The following CEP57 variants were observed in gnomAD, a reference collection of about 807,000 sequenced individuals.
CEP57 encodes the protein centrosomal protein of 57 kDa.
CEP57 carries 40 observed loss-of-function variants against 68.0 expected under a neutral mutation model. That is an observed-to-expected ratio of 0.59 (90% CI 0.46 to 0.77). The LOEUF is 0.77. Among genes scored for constraint, CEP57 ranks in the 30% least tolerant of loss-of-function variants. CEP57 has a pLI of 0.00. For missense variants in CEP57, 606 were observed against 580.7 expected, an observed-to-expected ratio of 1.04 and a Z score of -0.45; for synonymous variants, 219 against 198.7, an observed-to-expected ratio of 1.10 and a Z score of -0.86.
chr11:95,800,390 T>C (rs1861523587), intron 2 of CEP57, among the ~76,000 whole-genome samples: 2 of 151,960 alleles, frequency 1.3e-5, no homozygotes, highest in Non-Finnish European at 2.9e-5. Context: ...TTTCTTTTTT[T>C]TTTTTATTTT....
chr11:95,814,176 C>A (rs1351373659), intron 4 of CEP57, among the ~76,000 whole-genome samples: 1 of 152,152 alleles, frequency 6.6e-6, no homozygotes, highest in South Asian at 2.1e-4. Context: ...CCTCATCCTC[C>A]CGAGTAGCTG....
At chr11:95,792,492 T>C (rs1315849993) in intron 1 of CEP57, among the ~76,000 whole-genome samples, 1 of 152,184 alleles carries the variant, frequency 6.6e-6, no homozygotes, top group Non-Finnish European at 1.5e-5. Flanking sequence ...AAATAAAATA[T>C]TAAATAAACG....
At chr11:95,799,537 G>C in intron 2 of CEP57, 149 bp downstream of exon 2, 1 of 943,670 alleles carries the variant, frequency 1.1e-6, no homozygotes, top group Non-Finnish European at 1.7e-6. Context: ...TGCTTTTCTT[G>C]TATTCCTTAT....
chr11:95,809,672 G>A (rs1203740376), intron 2 of CEP57, among the ~76,000 whole-genome samples: 2 of 152,128 alleles, frequency 1.3e-5, no homozygotes, highest in Non-Finnish European at 2.9e-5. Flanking sequence ...TCCCTGAATA[G>A]ACCAATAGCA....
chr11:95,831,400 C>A lies in CEP57; in HGVS notation c.*144C>A, dbSNP rs962192873. ...AAGGACCCAGGCTTCATTACACAGG[C>A]TTTTCATGTATGCAGGATGACTCAA... On this transcript the variant is annotated 3_prime_UTR_variant, in exon 11 of 11. Coordinates refer to ENST00000325542, the MANE Select transcript of CEP57 (RefSeq NM_014679.5). 5 of 652,462 alleles carry A rather than the reference C, an allele frequency of 7.7e-6. No homozygotes were observed. The Admixed American group carries it at 1.0e-4, about 14-fold the overall frequency. 40.4% of individuals were successfully genotyped at this position (652,462 alleles called of 1,614,324 possible). A position where few individuals can be genotyped will look rare whatever the true frequency, so the allele number is the denominator to read the frequency against.
chr11:95,796,493 T>C (rs1861355178), intron 1 of CEP57, among the ~76,000 whole-genome samples: 1 of 152,238 alleles, frequency 6.6e-6, no homozygotes, highest in Non-Finnish European at 1.5e-5. Flanking sequence ...TGGTGATCTC[T>C]TAAAGGGTTG....
chr11:95,822,164 A>G (rs892441206), intron 7 of CEP57, 186 bp downstream of exon 7: 5 of 614,702 alleles, frequency 8.1e-6, no homozygotes, highest in Non-Finnish European at 1.2e-5. Context: ...GTGAGAAAAT[A>G]TATAAGCATT....
At chr11:95,830,609 A>C (rs1007184534) in intron 10 of CEP57, among the ~76,000 whole-genome samples, 2 of 152,086 alleles carry the variant, frequency 1.3e-5, no homozygotes, top group Non-Finnish European at 2.9e-5. Flanking sequence ...AGTTTCTAGA[A>C]TATCTTTCTC....
chr11:95,799,162 A>C, intron 1 of CEP57, 70 bp from the exon 2 acceptor site: 1 of 1,502,244 alleles, frequency 6.7e-7, no homozygotes, highest in East Asian at 2.3e-5. Context: ...TCAGTCATAA[A>C]TATTTGTGAT....
intron 1 of CEP57, chr11:95,794,270 G>A (rs1861234734): frequency 2.2e-6 from 1 of 455,720 alleles, no homozygotes; most frequent in Non-Finnish European, 4.4e-6. Flanking sequence ...CATGGAATAT[G>A]TACTGTGACT....
chr11:95,803,651 T>C (rs1223966198), intron 2 of CEP57, among the ~76,000 whole-genome samples: 2 of 146,242 alleles, frequency 1.4e-5, no homozygotes, highest in Non-Finnish European at 3.0e-5. Context: ...CAGGTGGACT[T>C]GAAGAACATT....
At position 95,821,424 on chromosome 11, in the gene CEP57, T is replaced by A. The variant is rs530489310; in HGVS notation, c.700-447T>A. Among the ~76,000 whole-genome samples, 3 of 152,324 alleles carry A rather than the reference T, an allele frequency of 2.0e-5. No individual in the cohort carries two copies. The South Asian group carries it at 6.2e-4, about 32-fold the overall frequency. ...TTTGTTATTTTTTTGGATATAAGTT[T>A]TCAATTCCTTTTTCTTATATAGTAA... is the stretch of plus-strand genomic sequence containing the variant. On this transcript the variant is annotated intron_variant, in intron 6 of 10. Transcript: ENST00000325542.
Position 95,813,057 on chromosome 11 carries a change from G to T in CEP57, c.328G>T (p.Glu110Ter). 2 of 1,613,656 alleles carry T rather than the reference G, an allele frequency of 1.2e-6. No individual in the cohort carries two copies. Among genetic ancestry groups the T allele is most frequent in the South Asian group, 2.2e-5 (2 of 91,034 alleles). Residue 110 changes from glutamate (E) to a stop codon, truncating the protein, a stop_gained, in exon 3 of 11, where the codon GAA becomes TAA. Coordinates refer to ENST00000325542, the MANE Select transcript of CEP57 (RefSeq NM_014679.5). LOFTEE classifies it high-confidence loss of function. ...AATTGAATATAAGAAAGTACTGGAT[G>T]AACAGATACAAGAAAGGGAGAATTC... Reference protein sequence around the residue: ...ETIEYKKVLDEQIQERENSKN... With the variant: ...ETIEYKKVLD
At position 95,813,575 on chromosome 11, in the gene CEP57, G is replaced by A; in HGVS notation, c.490G>A (p.Val164Ile). The A allele has an allele frequency of 6.2e-7, 1 of 1,613,050 alleles. No individual in the cohort carries two copies. The highest frequency in any genetic ancestry group is 8.5e-7 in the Non-Finnish European group (1 of 1,179,928). The part of the protein sequence containing the change: ...IKHAEMERTS[V>I]LEKQVSLERE... Reference sequence around the variant, plus strand: ...GCATGCCGAAATGGAGAGGACATCTGTCTTAGAGAAACAAGTAAGTAAAGC... The same window carrying A: ...GCATGCCGAAATGGAGAGGACATCTATCTTAGAGAAACAAGTAAGTAAAGC... The change falls in exon 4 of 11, where the codon GTC becomes ATC. Residue 164 changes from valine to isoleucine, a missense_variant. Coordinates refer to ENST00000325542, the MANE Select transcript of CEP57 (RefSeq NM_014679.5).
chr11:95,819,668 C>T (rs958466097), intron 6 of CEP57, among the ~76,000 whole-genome samples: 8 of 152,044 alleles, frequency 5.3e-5, no homozygotes, highest in African/African-American at 1.2e-4. Context: ...TATCTTTTTT[C>T]GTAAGAACAC....
intron 2 of CEP57, among the ~76,000 whole-genome samples, chr11:95,806,242 G>A (rs977392245): frequency 6.6e-6 from 1 of 152,162 alleles, no homozygotes; most frequent in African/African-American, 2.4e-5. Context: ...AGGAAATAAA[G>A]AACAACTTGG....
At position 95,831,299 on chromosome 11, in the gene CEP57, C is replaced by T. The variant is rs1401615770; in HGVS notation, c.*43C>T. The T allele has an allele frequency of 2.3e-6, 3 of 1,330,356 alleles. No individual in the cohort carries two copies. Among genetic ancestry groups the T allele is most frequent in the East Asian group, 2.4e-5 (1 of 42,242 alleles). 82.4% of individuals were successfully genotyped at this position (1,330,356 alleles called of 1,614,324 possible). A position where few individuals can be genotyped will look rare whatever the true frequency, so the allele number is the denominator to read the frequency against. ...AATTTTATTCAGATAATCTGTACCT[C>T]ATCAATCAGATGATGACAATTTACT... On this transcript the variant is annotated 3_prime_UTR_variant, in exon 11 of 11. Transcript: ENST00000325542.
At position 95,790,569 on chromosome 11, in the gene CEP57, G is replaced by C. The variant is rs1214352811; in HGVS notation, c.-130G>C. 4.5e-6 allele frequency: 5 copies of C among 1,104,454 alleles called. No individual in the cohort carries two copies. The highest frequency in any genetic ancestry group is 1.6e-5 in the African/African-American group (1 of 64,064). 68.4% of individuals were successfully genotyped at this position (1,104,454 alleles called of 1,614,324 possible). ...GCAGGGGTTTCCAAGCCCAGCACCA[G>C]CACCCTTGCCCTTTTCCATCAGGGG... On this transcript the variant is annotated 5_prime_UTR_variant, in exon 1 of 11. Transcript: ENST00000325542.
chr11:95,812,970 C>G lies in CEP57; in HGVS notation c.241C>G (p.Arg81Gly). The G allele has an allele frequency of 4.3e-6, 7 of 1,613,816 alleles. No homozygotes were observed. The highest frequency in any genetic ancestry group is 5.9e-6 in the Non-Finnish European group (7 of 1,179,972). Reference sequence around the variant, plus strand: ...TCTTAAGAATCTTCAAGATAAGATTCGACGCTTGGAACTTGAGAGGATTCA... The same window carrying G: ...TCTTAAGAATCTTCAAGATAAGATTGGACGCTTGGAACTTGAGAGGATTCA... ...SALKNLQDKI[R>G]RLELERIQAE... is the part of the protein sequence containing the mutation. Residue 81 changes from arginine (R) to glycine (G), a missense_variant, in exon 3 of 11, where the codon CGA becomes GGA. Transcript: ENST00000325542.
Sources: gnomAD v4.1 joint callset for allele counts (sites outside exome capture counted in the v4.1 genomes callset) on GRCh38, gnomAD v4.1.1 for gene constraint, MANE v1.5 for transcripts, NCBI Gene and HGNC (gene_info 2026-07-23, HGNC 2026-07-21) for gene names.